GABPA: variants seen among roughly 807,000 people sequenced by gnomAD.
GABPA encodes the protein GA-binding protein alpha chain.
Under a neutral mutation model 59.4 loss-of-function variants are expected in GABPA, and 4 were observed. The ratio of observed to expected loss-of-function variants is 0.07; its 90% CI spans 0.03 to 0.15. The LOEUF (loss-of-function observed/expected upper bound fraction) is 0.15. Ranked by LOEUF, GABPA falls within the 10% of genes least tolerant of loss-of-function variation. The pLI, the probability that GABPA is intolerant of heterozygous loss-of-function variation, is 1.00. For synonymous variants in GABPA, 164 were observed against 183.1 expected (o/e 0.90, Z 0.84); for missense variants, 251 against 543.8 (o/e 0.46, Z 5.36).
chr21:25,739,115 T>C (rs2035154287), intron 1 of GABPA, among the ~76,000 whole-genome samples: 1 of 152,200 alleles, frequency 6.6e-6, no homozygotes, highest in Admixed American at 6.5e-5. Flanking sequence ...CTTACCCTTT[T>C]ATTGTTCGTC....
At chr21:25,753,845 C>A (rs2035571818) in intron 5 of GABPA, among the ~76,000 whole-genome samples, 1 of 152,028 alleles carries the variant, frequency 6.6e-6, no homozygotes, top group South Asian at 2.1e-4. Flanking sequence ...TTTTTAGAGA[C>A]AAGGTTGTAC....
chr21:25,764,388 A>G (rs1433563483), intron 8 of GABPA, 38 bp downstream of exon 8: 1 of 1,538,276 alleles, frequency 6.5e-7, no homozygotes, highest in East Asian at 2.4e-5. Context: ...AAATATATCT[A>G]TCTAATTAGG....
intron 1 of GABPA, 79 bp from the exon 2 acceptor site, chr21:25,741,494 T>G (rs1294260358): frequency 6.7e-6 from 4 of 597,838 alleles, no homozygotes; most frequent in Non-Finnish European, 1.1e-5. Context: ...GCTTTTTATT[T>G]GGATTGGGTC....
intron 7 of GABPA, chr21:25,763,011 T>C: frequency 2.6e-6 from 1 of 387,868 alleles, no homozygotes; most frequent in Non-Finnish European, 5.0e-6. Flanking sequence ...TCGCTTTGCC[T>C]TCAGCTTTAT....
chr21:25,767,043 TTA>T (rs1245413017), intron 9 of GABPA, among the ~76,000 whole-genome samples: 2 of 152,008 alleles, frequency 1.3e-5, no homozygotes, highest in Non-Finnish European at 2.9e-5. Context: ...ATGATTACAT[TTA>T]TTTAGTAAAG....
At chr21:25,762,207 G>T in intron 6 of GABPA, 105 bp from the exon 7 acceptor site, 1 of 600,630 alleles carries the variant, frequency 1.7e-6, no homozygotes, top group Non-Finnish European at 3.0e-6. Context: ...TTTTAATTGT[G>T]GAGTTCTTTT....
In GABPA at chr21:25,747,189, C is replaced by T. The variant is rs370484461; in HGVS notation, c.222+1835C>T. ...CAGAACTCTCTTCACTTGTTTGAGACGAAAAAACAAAAAACTTTTTTAAAG... is the reference window on the plus strand; with the variant it reads ...CAGAACTCTCTTCACTTGTTTGAGATGAAAAAACAAAAAACTTTTTTAAAG... On this transcript the variant is annotated intron_variant, in intron 3 of 9. Transcript: ENST00000400075. Among the ~76,000 whole-genome samples, 9 of 152,086 alleles carry T rather than the reference C, an allele frequency of 5.9e-5. No homozygotes were observed. In the South Asian group the frequency reaches 1.2e-3, roughly 21 times the overall value.
At chr21:25,764,380 ATATATC>A in intron 8 of GABPA, 30 bp downstream of exon 8, 1 of 1,558,644 alleles carries the variant, frequency 6.4e-7, no homozygotes, top group Non-Finnish European at 8.7e-7. Context: ...TATTTATAAA[ATATATC>A]TATCTAATTA....
chr21:25,770,863 A>G lies in GABPA; in HGVS notation c.*1631A>G, dbSNP rs970988874. ...ATAATTTTACTAAAACATGTTCTCA[A>G]TTCATTCATATTATTAAGCTCTTCC... On this transcript the variant is annotated 3_prime_UTR_variant, in exon 10 of 10. Transcript: ENST00000400075. 2.6e-5 allele frequency: 4 copies of G among 152,034 alleles called. No homozygotes were observed. Among genetic ancestry groups the G allele is most frequent in the African/African-American group, 7.2e-5 (3 of 41,430 alleles). The allele number at this position is 152,034 out of a possible 1,614,324, so 9.4% of individuals were successfully genotyped here.
intron 4 of GABPA, among the ~76,000 whole-genome samples, chr21:25,749,559 C>T (rs566054500): frequency 1.3e-5 from 2 of 152,288 alleles, no homozygotes; most frequent in African/African-American, 2.4e-5. Context: ...CTGCTGGCTG[C>T]GGGGGCTCAC....
At chr21:25,742,999 T>TA (rs1022592810) in intron 2 of GABPA, among the ~76,000 whole-genome samples, 64 of 152,168 alleles carry the variant, frequency 4.2e-4, no homozygotes, top group African/African-American at 1.4e-3. Context: ...GGGAGCAACT[T>TA]ACCTGGGTGG....
At chr21:25,744,635 A>G (rs1416651100) in intron 2 of GABPA, among the ~76,000 whole-genome samples, 1 of 152,196 alleles carries the variant, frequency 6.6e-6, no homozygotes, top group Non-Finnish European at 1.5e-5. Flanking sequence ...TTTGAATTCA[A>G]AGTGTGAAAT....
intron 4 of GABPA, among the ~76,000 whole-genome samples, chr21:25,751,369 ATTTTTAT>A (rs761784611): frequency 1.3e-5 from 2 of 150,120 alleles, no homozygotes; most frequent in African/African-American, 2.5e-5. Context: ...TAAATTATTT[ATTTTTAT>A]TTTTTATTTT....
At chr21:25,744,893 T>C (rs2035321820) in intron 2 of GABPA, among the ~76,000 whole-genome samples, 1 of 152,210 alleles carries the variant, frequency 6.6e-6, no homozygotes, top group South Asian at 2.1e-4. Flanking sequence ...TCAAAATAAC[T>C]TGAAAATGTA....
intron 2 of GABPA, among the ~76,000 whole-genome samples, chr21:25,743,428 CTAAAG>C (rs2035276235): frequency 6.6e-6 from 1 of 152,026 alleles, no homozygotes; most frequent in African/African-American, 2.4e-5. Context: ...TCCACAAAGT[CTAAAG>C]TATGTACTAT....
chr21:25,760,006 CTT>C (rs931999801), intron 6 of GABPA, among the ~76,000 whole-genome samples: 3 of 152,168 alleles, frequency 2.0e-5, no homozygotes, highest in African/African-American at 7.2e-5. Context: ...TCAAAGGTGT[CTT>C]GTGTATCTTT....
chr21:25,751,464 A>G (rs959307302), intron 4 of GABPA, among the ~76,000 whole-genome samples: 4 of 151,516 alleles, frequency 2.6e-5, no homozygotes, highest in Admixed American at 2.0e-4. Flanking sequence ...TCTTCATCTC[A>G]TTTAAAATGA....
intron 9 of GABPA, among the ~76,000 whole-genome samples, chr21:25,768,494 T>C (rs2035944133): frequency 6.6e-6 from 1 of 152,118 alleles, no homozygotes; most frequent in Non-Finnish European, 1.5e-5. Context: ...TAGAGGGCTG[T>C]GTGCCAGTCA....
In GABPA at chr21:25,735,035, G is replaced by T; in HGVS notation, c.-570G>T. 2.7e-6 allele frequency: 4 copies of T among 1,468,422 alleles called. No homozygotes were observed. Among genetic ancestry groups the T allele is most frequent in the Non-Finnish European group, 3.7e-6 (4 of 1,079,572 alleles). The allele number at this position is 1,468,422 out of a possible 1,614,324, so 91.0% of individuals were successfully genotyped here. A position where few individuals can be genotyped will look rare whatever the true frequency, so the allele number is the denominator to read the frequency against. ...ACAGTCTGCGACCGGACGGGTCTAGGTGAGACAGAAGCCAAACAGGAGGAG... is the reference window on the plus strand; with the variant it reads ...ACAGTCTGCGACCGGACGGGTCTAGTTGAGACAGAAGCCAAACAGGAGGAG... On this transcript the variant is annotated 5_prime_UTR_variant, in exon 1 of 10. Coordinates refer to ENST00000400075, the MANE Select transcript of GABPA (RefSeq NM_002040.4).
Sources: allele counts gnomAD v4.1 joint callset (sites outside exome capture counted in the v4.1 genomes callset), GRCh38; gene constraint gnomAD v4.1.1; transcripts MANE v1.5; gene names NCBI Gene and HGNC (gene_info 2026-07-23, HGNC 2026-07-21).